AGRN: variants seen among roughly 807,000 people sequenced by gnomAD.
AGRN encodes agrin.
AGRN carries 106 observed loss-of-function variants against 211.0 expected under a neutral mutation model. The observed-to-expected ratio is 0.50, with a 90% CI of 0.43 to 0.59. The LOEUF (loss-of-function observed/expected upper bound fraction) is 0.59, where lower values mean the gene tolerates loss of function less well. Ranked by LOEUF, AGRN falls within the 20% of genes least tolerant of loss-of-function variation. The pLI is 0.00. For synonymous variants in AGRN, 1,525 were observed against 1,332.5 expected (o/e 1.14, Z -3.15); for missense variants, 3,040 against 2,982.6 (o/e 1.02, Z -0.45).
At chr1:1,051,087 C>A in intron 30 of AGRN, 166 bp from the exon 31 acceptor site, 4 of 1,548,210 alleles carry the variant, frequency 2.6e-6, no homozygotes, top group Non-Finnish European at 3.5e-6. Flanking sequence ...GGCGCCTCAA[C>A]CCCTAGGGTA....
intron 30 of AGRN, chr1:1,051,040 C>G: frequency 6.5e-7 from 1 of 1,549,132 alleles, no homozygotes; most frequent in Non-Finnish European, 8.7e-7. Flanking sequence ...AGAAATCCCG[C>G]AAGGTACTGT....
rs546358679 is a variant in AGRN, at chr1:1,054,375, T to C, written c.5877-73T>C. ...AGGCACCTGCAGGGCATAGGAAGGATGCAGGGCTTATGGTCTAGAGGAGGC... is the reference window on the plus strand; with the variant it reads ...AGGCACCTGCAGGGCATAGGAAGGACGCAGGGCTTATGGTCTAGAGGAGGC... On this transcript the variant is annotated intron_variant, in intron 34 of 35. Transcript: ENST00000379370. The C allele has an allele frequency of 9.1e-4, 1,232 of 1,350,440 alleles. 3 individuals are homozygous for C. Among genetic ancestry groups the C allele is most frequent in the Middle Eastern group, 1.3e-3 (7 of 5,560 alleles). 83.7% of individuals were successfully genotyped at this position (1,350,440 alleles called of 1,614,324 possible). A position where few individuals can be genotyped will look rare whatever the true frequency, so the allele number is the denominator to read the frequency against.
At position 1,041,661 on chromosome 1, in the gene AGRN, T is replaced by A; in HGVS notation, c.1136T>A (p.Leu379His). 1.2e-6 allele frequency: 2 copies of A among 1,610,648 alleles called. No individual in the cohort carries two copies. The highest frequency in any genetic ancestry group is 1.7e-6 in the Non-Finnish European group (2 of 1,179,060). The change falls in exon 6 of 36, where the codon CTC (leucine) becomes CAC (histidine). Residue 379 changes from leucine to histidine, a missense_variant. Physicochemically the swap from Leu to His is moderately conservative, Grantham distance 99. Transcript: ENST00000379370. ...VMGRSGAARG[L>H]LLQKVRSGQC... ...GGCCGATCGGGGGCCGCCCGGGGTC[T>A]CCTCCTGCAGAAAGTGCGCTCCGGC... is the stretch of plus-strand genomic sequence containing the variant.
chr1:1,054,487 C>T lies in AGRN; in HGVS notation c.5916C>T (p.Ala1972=). ...REGSLQVGNE[A]PVTGSSPLGA... is the part of the protein sequence containing the mutation. Reference sequence around the variant, plus strand: ...GTTCCCTGCAGGTGGGCAATGAGGCCCCTGTGACCGGCTCCTCCCCGCTGG... The same window carrying T: ...GTTCCCTGCAGGTGGGCAATGAGGCTCCTGTGACCGGCTCCTCCCCGCTGG... The change falls in exon 35 of 36, where the codon GCC becomes GCT. Residue 1972 remains alanine (A), a synonymous_variant. Transcript: ENST00000379370. The T allele has an allele frequency of 6.2e-7, 1 of 1,602,334 alleles. No homozygotes were observed. The highest frequency in any genetic ancestry group is 8.5e-7 in the Non-Finnish European group (1 of 1,175,196).
chr1:1,040,907 G>T, intron 4 of AGRN, 27 bp downstream of exon 4: 10 of 1,416,762 alleles, frequency 7.1e-6, no homozygotes, highest in Non-Finnish European at 9.1e-6. Flanking sequence ...CGGTGCCTGG[G>T]GCGGGGAGGG....
At chr1:1,054,380 G>A in intron 34 of AGRN, 68 bp from the exon 35 acceptor site, 1 of 1,384,776 alleles carries the variant, frequency 7.2e-7, no homozygotes. Flanking sequence ...AAGGATGCAG[G>A]GCTTATGGTC....
intron 3 of AGRN, among the ~76,000 whole-genome samples, chr1:1,036,246 G>A (rs1038451216): frequency 6.6e-6 from 1 of 152,188 alleles, no homozygotes; most frequent in South Asian, 2.1e-4. Context: ...CCAGGTCTTG[G>A]GAGTGGGGGA....
chr1:1,047,086 C>A lies in AGRN; in HGVS notation c.3388+129C>A. ...GGGACTCGGCCCCCTCAAACATGTGCGTGCCGGGGACCCCACGCCTAACCC... is the reference window on the plus strand; with the variant it reads ...GGGACTCGGCCCCCTCAAACATGTGAGTGCCGGGGACCCCACGCCTAACCC... On this transcript the variant is annotated intron_variant, in intron 19 of 35. Coordinates refer to ENST00000379370, the MANE Select transcript of AGRN (RefSeq NM_198576.4). 2.1e-6 allele frequency: 3 copies of A among 1,446,878 alleles called. No homozygotes were observed. The South Asian group carries it at 4.0e-5, about 19-fold the overall frequency. The allele number at this position is 1,446,878 out of a possible 1,614,324, so 89.6% of individuals were successfully genotyped here.
rs1336611347 is a variant in AGRN at position 1,054,445 on chromosome 1, C to T, written c.5877-3C>T. The T allele has an allele frequency of 1.3e-6, 2 of 1,578,330 alleles. No individual in the cohort carries two copies. The highest frequency in any genetic ancestry group is 8.6e-7 in the Non-Finnish European group (1 of 1,162,174). ...GATGGTCTCCCCCTCCCTGCACACCCAGGGAGCAGAGGGAAGGTTCCCTGC... is the reference window on the plus strand; with the variant it reads ...GATGGTCTCCCCCTCCCTGCACACCTAGGGAGCAGAGGGAAGGTTCCCTGC... On this transcript the variant is annotated splice_polypyrimidine_tract_variant and splice_region_variant and intron_variant, in intron 34 of 35. Transcript: ENST00000379370.
At position 1,035,303 on chromosome 1, in the gene AGRN, G is replaced by A. The variant is rs756975268; in HGVS notation, c.490G>A (p.Val164Met). Residue 164 changes from valine to methionine, a missense_variant, in exon 3 of 36, where the codon GTG (valine) becomes ATG (methionine). Val to Met is a conservative substitution (Grantham distance 21). Transcript: ENST00000379370. ...TAAACCCGGGACCCACTTCACTCCA[G>A]TGCCTCCGACGCCTCCTGATGGTGA... ...EDKPGTHFTP[V>M]PPTPPDACRG... 5.6e-6 allele frequency: 9 copies of A among 1,613,010 alleles called. No individual in the cohort carries two copies. The East Asian group carries it at 8.9e-5, about 16-fold the overall frequency.
chr1:1,028,327 C>G lies in AGRN; in HGVS notation c.463+5865C>G, dbSNP rs998293710. Among the ~76,000 whole-genome samples, 12 of 133,666 alleles carry G rather than the reference C, an allele frequency of 9.0e-5. 1 individual carries two copies. The highest frequency in any genetic ancestry group is 4.4e-4 in the East Asian group (2 of 4,520). 87.7% of individuals were successfully genotyped at this position (133,666 alleles called of 152,430 possible). A position where few individuals can be genotyped will look rare whatever the true frequency, so the allele number is the denominator to read the frequency against. On this transcript the variant is annotated intron_variant, in intron 2 of 35. Coordinates refer to ENST00000379370, the MANE Select transcript of AGRN (RefSeq NM_198576.4). ...TCTCTCCCGTGGGGAAACGCCCCCC[C>G]CCCCCCCCCGCCCTGCACCTGGCTG...
intron 2 of AGRN, among the ~76,000 whole-genome samples, chr1:1,027,863 C>G (rs1644553166): frequency 6.6e-6 from 1 of 152,220 alleles, no homozygotes; most frequent in African/African-American, 2.4e-5. Context: ...CACCCTCACA[C>G]TGGGCCCTAG....
rs367624545 is a variant in AGRN, at chr1:1,050,912, C to A, written c.5253+75C>A. 6 of 1,528,714 alleles carry A rather than the reference C, an allele frequency of 3.9e-6. No individual in the cohort carries two copies. The South Asian group carries it at 7.2e-5, about 18-fold the overall frequency. 94.7% of individuals were successfully genotyped at this position (1,528,714 alleles called of 1,614,324 possible). A position where few individuals can be genotyped will look rare whatever the true frequency, so the allele number is the denominator to read the frequency against. On this transcript the variant is annotated intron_variant, in intron 30 of 35. Transcript: ENST00000379370. ...CCTCGGGCGGCAGCCCCGCCCCTGC[C>A]GGCGCTCACGGAGCTGTTTTTCTGT...
intron 33 of AGRN, chr1:1,052,650 CGTGT>C (rs1289348177): frequency 6.9e-6 from 1 of 143,976 alleles, no homozygotes; most frequent in Admixed American, 7.4e-5. Flanking sequence ...TGTGTGTGTC[CGTGT>C]GTGTGCATGG....
At chr1:1,029,591 G>C (rs546292517) in intron 2 of AGRN, among the ~76,000 whole-genome samples, 9 of 146,644 alleles carry the variant, frequency 6.1e-5, no homozygotes, top group Non-Finnish European at 1.2e-4. Context: ...TTGTGTGGCC[G>C]TGTGTGTGTG....
chr1:1,051,628 G>T lies in AGRN; in HGVS notation c.5546G>T (p.Gly1849Val). The T allele has an allele frequency of 1.9e-6, 3 of 1,611,456 alleles. No individual in the cohort carries two copies. The highest frequency in any genetic ancestry group is 8.5e-7 in the Non-Finnish European group (1 of 1,179,022). ...TGCCTGTGTCCCGGGGGATTCTCAG[G>T]ACCGCACTGCGAGAAGGGTGAGCCT... ...YVCLCPGGFSGPHCEKGLVEK... is the reference protein window; with the variant it reads ...YVCLCPGGFSVPHCEKGLVEK... Residue 1849 changes from glycine (G) to valine (V), a missense_variant, in exon 32 of 36, where the codon GGA (glycine) becomes GTA (valine). Gly to Val is a moderately radical substitution (Grantham distance 109, BLOSUM62 -3). Coordinates refer to ENST00000379370, the MANE Select transcript of AGRN (RefSeq NM_198576.4).
chr1:1,044,016 C>T lies in AGRN; in HGVS notation c.1992C>T (p.Cys664=), dbSNP rs754655150. The change falls in exon 10 of 36, where the codon TGC becomes TGT. Residue 664 remains cysteine, a synonymous_variant. Coordinates refer to ENST00000379370, the MANE Select transcript of AGRN (RefSeq NM_198576.4). The part of the protein sequence containing the change: ...TQIEEARAGP[C]EQAECGSGGS... ...TCGAGGAGGCCCGGGCAGGGCCGTG[C>T]GAGCAGGGTAGGCCGGGGGACGCTG... is the stretch of plus-strand genomic sequence containing the variant. The T allele has an allele frequency of 4.4e-5, 71 of 1,608,850 alleles. No homozygotes were observed. The Admixed American group carries it at 6.2e-4, about 14-fold the overall frequency.
intron 2 of AGRN, among the ~76,000 whole-genome samples, chr1:1,030,395 A>G (rs1570156775): frequency 2.7e-5 from 1 of 36,820 alleles, no homozygotes. Context: ...GTGTGTGTGC[A>G]GTGCATGGTG....
chr1:1,038,375 CAG>C lies in AGRN; in HGVS notation c.512-2287_512-2286del, dbSNP rs1644850648. On this transcript the variant is annotated intron_variant, in intron 3 of 35. Coordinates refer to ENST00000379370, the MANE Select transcript of AGRN (RefSeq NM_198576.4). The stretch of plus-strand genomic sequence containing the variant: ...CACATTGGTCCAGCAGCTGGTCACT[CAG>C]AGCCTGTCCCTAAGGTACCTCTAGG... 2.0e-5 allele frequency among the ~76,000 whole-genome samples: 3 copies of C among 152,232 alleles called. No homozygotes were observed. In the South Asian group the frequency reaches 6.2e-4, roughly 31 times the overall value.
Sources: gnomAD v4.1 joint callset for allele counts (sites outside exome capture counted in the v4.1 genomes callset) on GRCh38, gnomAD v4.1.1 for gene constraint, MANE v1.5 for transcripts, NCBI Gene and HGNC (gene_info 2026-07-23, HGNC 2026-07-21) for gene names.